Variants in KCNH7 observed in about 807,000 individuals in gnomAD.
KCNH7 encodes voltage-gated inwardly rectifying potassium channel KCNH7.
KCNH7 carries 49 observed loss-of-function variants against 120.8 expected under a neutral mutation model. The observed-to-expected ratio is 0.41, with a 90% CI of 0.32 to 0.51. KCNH7 has a LOEUF of 0.51. Among genes scored for constraint, KCNH7 ranks in the 20% least tolerant of loss-of-function variants. The pLI is 0.38. For synonymous variants in KCNH7, 547 were observed against 516.1 expected (o/e 1.06, Z -0.81); for missense variants, 1,097 against 1,446.6 (o/e 0.76, Z 3.92).
rs558963440 is a variant in KCNH7, at chr2:162,702,075, C to A, written c.307+134462G>T. On this transcript the variant is annotated intron_variant, in intron 2 of 15. Coordinates refer to ENST00000332142, the MANE Select transcript of KCNH7 (RefSeq NM_033272.4). The stretch of plus-strand genomic sequence containing the variant: ...GCTCATCAGCATTATATAGTTCAGT[C>A]AATTTCAATTTTCTAGAGGGAAATG... Among the ~76,000 whole-genome samples the A allele has an allele frequency of 2.6e-5, 4 of 151,742 alleles. No homozygotes were observed. In the East Asian group the frequency reaches 7.8e-4, roughly 29 times the overall value.
At chr2:162,748,913 TC>T (rs1221805964) in intron 2 of KCNH7, among the ~76,000 whole-genome samples, 33 of 71,616 alleles carry the variant, frequency 4.6e-4, no homozygotes, top group South Asian at 3.7e-3. Flanking sequence ...CTTCCTTCCT[TC>T]CCTTCCCTTT....
intron 2 of KCNH7, among the ~76,000 whole-genome samples, chr2:162,563,272 C>T (rs1432903267): frequency 6.6e-6 from 1 of 152,178 alleles, no homozygotes; most frequent in Admixed American, 6.5e-5. Context: ...CATATAATGG[C>T]TTATACAAGA....
chr2:162,836,553 G>A lies in KCNH7; in HGVS notation c.291C>T (p.Thr97=), dbSNP rs767501078. The part of the protein sequence containing the change: ...LGSEERKVEV[T]YYHKNGSTFI... ...GAATTTTACCATTTTTGTGATAGTA[G>A]GTGACCTCCACTTTCCTCTCTTCTG... Residue 97 remains threonine (T), a synonymous_variant, in exon 2 of 16, where the codon ACC becomes ACT. Transcript: ENST00000332142. 2 of 1,613,526 alleles carry A rather than the reference G, an allele frequency of 1.2e-6. No homozygotes were observed. The highest frequency in any genetic ancestry group is 8.5e-7 in the Non-Finnish European group (1 of 1,179,534).
intron 6 of KCNH7, among the ~76,000 whole-genome samples, chr2:162,462,394 C>T (rs1378618604): frequency 2.0e-5 from 3 of 151,916 alleles, no homozygotes; most frequent in Non-Finnish European, 4.4e-5. Context: ...TGTCCTTTAT[C>T]GAATTTTCAG....
intron 8 of KCNH7, 92 bp from the exon 9 acceptor site, chr2:162,423,627 T>C (rs765476925): frequency 2.2e-5 from 25 of 1,133,814 alleles, no homozygotes; most frequent in Non-Finnish European, 3.2e-5. Flanking sequence ...TTTGATTATC[T>C]CAATCTAGTG....
At chr2:162,676,898 A>G (rs1449656244) in intron 2 of KCNH7, among the ~76,000 whole-genome samples, 1 of 151,432 alleles carries the variant, frequency 6.6e-6, no homozygotes, top group Non-Finnish European at 1.5e-5. Flanking sequence ...CATATCTATG[A>G]GTTTACAAGG....
chr2:162,611,181 A>G (rs1179448278), intron 2 of KCNH7, among the ~76,000 whole-genome samples: 2 of 152,194 alleles, frequency 1.3e-5, no homozygotes, highest in African/African-American at 4.8e-5. Context: ...GCTGGGTGGC[A>G]TTGGTGTGGA....
intron 1 of KCNH7, among the ~76,000 whole-genome samples, chr2:162,837,045 A>C (rs1181169844): frequency 6.6e-6 from 1 of 152,218 alleles, no homozygotes; most frequent in African/African-American, 2.4e-5. Context: ...AAGCCCTGCA[A>C]CTGCGGGGGT....
intron 2 of KCNH7, among the ~76,000 whole-genome samples, chr2:162,821,408 C>T (rs553347821): frequency 6.6e-6 from 1 of 152,286 alleles, no homozygotes; most frequent in South Asian, 2.1e-4. Flanking sequence ...GGAATTCTGA[C>T]TCATTTCTCC....
chr2:162,612,490 T>C (rs1683002369), intron 2 of KCNH7, among the ~76,000 whole-genome samples: 1 of 152,138 alleles, frequency 6.6e-6, no homozygotes, highest in African/African-American at 2.4e-5. Context: ...TTGAACTCTC[T>C]AGGTGGTCTA....
chr2:162,547,103 A>C (rs1692506937), intron 2 of KCNH7, among the ~76,000 whole-genome samples: 1 of 152,176 alleles, frequency 6.6e-6, no homozygotes, highest in Non-Finnish European at 1.5e-5. Flanking sequence ...CACGTGTTAC[A>C]TGGCGGCAGG....
In KCNH7 at chr2:162,394,477, G is replaced by A. The variant is rs17783977; in HGVS notation, c.2622C>T (p.Leu874=). ...AATCATTCATGGATTGTGATCGTAG[G>A]AGATCAGCCTTTGTTAATGGAACAT... The part of the protein sequence containing the change: ...NLRHESAKAD[L]LRSQSMNDSE... Residue 874 remains leucine (L), a synonymous_variant, in exon 12 of 16, where the codon CTC becomes CTT. Transcript: ENST00000332142. 16,484 of 1,589,806 alleles carry A rather than the reference G, an allele frequency of 0.01. 116 individuals carry two copies. The highest frequency in any genetic ancestry group is 0.013 in the Non-Finnish European group (14,976 of 1,159,462).
chr2:162,750,354 A>G (rs1476452778), intron 2 of KCNH7, among the ~76,000 whole-genome samples: 10 of 152,104 alleles, frequency 6.6e-5, no homozygotes, highest in Non-Finnish European at 2.9e-5. Flanking sequence ...TTAAAAAATA[A>G]AAAAAACTGG....
intron 6 of KCNH7, among the ~76,000 whole-genome samples, chr2:162,490,440 C>T (rs1294507888): frequency 2.0e-5 from 3 of 152,232 alleles, no homozygotes; most frequent in Non-Finnish European, 4.4e-5. Context: ...CTCCGCATGC[C>T]TACTTCTTCC....
At chr2:162,798,210 A>C in intron 2 of KCNH7, among the ~76,000 whole-genome samples, 1 of 152,104 alleles carries the variant, frequency 6.6e-6, no homozygotes, top group East Asian at 1.9e-4. Flanking sequence ...TCCTAGAAGC[A>C]GAGTATTTTA....
intron 2 of KCNH7, among the ~76,000 whole-genome samples, chr2:162,571,073 T>C (rs1013926538): frequency 6.6e-6 from 1 of 151,820 alleles, no homozygotes; most frequent in Non-Finnish European, 1.5e-5. Flanking sequence ...AGGAAATAAA[T>C]GGTATTCAAT....
intron 2 of KCNH7, among the ~76,000 whole-genome samples, chr2:162,591,164 C>T (rs954998232): frequency 1.3e-5 from 2 of 152,116 alleles, no homozygotes; most frequent in Non-Finnish European, 2.9e-5. Context: ...ACCACTTCAC[C>T]TTTCTCAACA....
intron 2 of KCNH7, among the ~76,000 whole-genome samples, chr2:162,571,051 T>G (rs1444852035): frequency 6.6e-6 from 1 of 151,888 alleles, no homozygotes; most frequent in African/African-American, 2.4e-5. Context: ...GCCAGGGCAA[T>G]TAGGCAGGAG....
intron 2 of KCNH7, among the ~76,000 whole-genome samples, chr2:162,642,449 G>C (rs1007324167): frequency 1.3e-5 from 2 of 152,134 alleles, no homozygotes; most frequent in Non-Finnish European, 2.9e-5. Flanking sequence ...CTATTACAAG[G>C]TCTTATGTGC....
Sources: allele counts gnomAD v4.1 joint callset (sites outside exome capture counted in the v4.1 genomes callset), GRCh38; gene constraint gnomAD v4.1.1; transcripts MANE v1.5; gene names NCBI Gene and HGNC (gene_info 2026-07-23, HGNC 2026-07-21).